The following AGBL1 variants were observed in gnomAD, a reference collection of about 807,000 sequenced individuals.
AGBL1 encodes the protein cytosolic carboxypeptidase 4.
A neutral mutation model predicts 118.9 loss-of-function variants in AGBL1; 130 were observed. That is an observed-to-expected ratio of 1.09 (90% CI 0.95 to 1.26). The LOEUF (loss-of-function observed/expected upper bound fraction) is 1.26, where lower values mean the gene tolerates loss of function less well. Among genes scored for constraint, AGBL1 ranks in the 50% most tolerant of loss-of-function variants. The pLI is 0.00. For missense variants in AGBL1, 1,584 were observed against 1,298.1 expected (o/e 1.22, Z -3.38); for synonymous variants, 555 against 478.9 (o/e 1.16, Z -2.08).
intron 22 of AGBL1, among the ~76,000 whole-genome samples, chr15:86,783,600 A>G (rs2078365468): frequency 6.6e-6 from 1 of 152,100 alleles, no homozygotes; most frequent in Admixed American, 6.6e-5. Flanking sequence ...AGAGGAACAC[A>G]CTGTGAGGTT....
chr15:86,528,163 A>C (rs1287163472), intron 19 of AGBL1, among the ~76,000 whole-genome samples: 1 of 152,232 alleles, frequency 6.6e-6, no homozygotes, highest in African/African-American at 2.4e-5. Context: ...GCGACGCAGA[A>C]GACGGGTGAT....
chr15:86,415,774 C>T (rs978030277), intron 18 of AGBL1, among the ~76,000 whole-genome samples: 4 of 152,106 alleles, frequency 2.6e-5, no homozygotes, highest in Non-Finnish European at 4.4e-5. Context: ...CAATTTCATC[C>T]AATTAGATTC....
intron 22 of AGBL1, among the ~76,000 whole-genome samples, chr15:86,821,191 G>T (rs1373788984): frequency 6.6e-6 from 1 of 152,056 alleles, no homozygotes; most frequent in Non-Finnish European, 1.5e-5. Flanking sequence ...TGGGGGGTTG[G>T]GGGAGGGGAT....
intron 1 of AGBL1, among the ~76,000 whole-genome samples, chr15:86,097,963 A>C (rs900096748): frequency 9.9e-5 from 15 of 152,146 alleles, no homozygotes; most frequent in African/African-American, 3.6e-4. Flanking sequence ...TTTTCTGTGC[A>C]TCCTCACTAG....
At chr15:87,002,772 C>T (rs2081453869) in intron 24 of AGBL1, among the ~76,000 whole-genome samples, 1 of 152,140 alleles carries the variant, frequency 6.6e-6, no homozygotes, top group Non-Finnish European at 1.5e-5. Context: ...TGATTTGGCT[C>T]TCTGTTTGTC....
chr15:86,450,038 C>T (rs1433762443), intron 18 of AGBL1, among the ~76,000 whole-genome samples: 1 of 152,194 alleles, frequency 6.6e-6, no homozygotes, highest in East Asian at 1.9e-4. Context: ...TCAGCTTACT[C>T]CAGCAGCTTA....
chr15:86,205,769 G>A (rs908713122), intron 5 of AGBL1, among the ~76,000 whole-genome samples: 2 of 152,122 alleles, frequency 1.3e-5, no homozygotes, highest in African/African-American at 4.8e-5. Flanking sequence ...GTGTCTGTTA[G>A]GGTTTTTAGC....
At chr15:86,997,677 G>A (rs776891791) in intron 24 of AGBL1, among the ~76,000 whole-genome samples, 1 of 151,930 alleles carries the variant, frequency 6.6e-6, no homozygotes, top group Non-Finnish European at 1.5e-5. Flanking sequence ...TTCCTCATGG[G>A]TTCCCAACAT....
At chr15:86,997,949 TG>T (rs1209489023) in intron 24 of AGBL1, among the ~76,000 whole-genome samples, 1 of 151,450 alleles carries the variant, frequency 6.6e-6, no homozygotes, top group East Asian at 1.9e-4. Flanking sequence ...TGCCTATTTT[TG>T]TATTTTATAT....
chr15:86,858,836 C>T (rs2079521924), intron 22 of AGBL1, among the ~76,000 whole-genome samples: 1 of 152,156 alleles, frequency 6.6e-6, no homozygotes, highest in African/African-American at 2.4e-5. Context: ...AAGACTACTG[C>T]ATGTGGACTC....
chr15:86,099,821 C>G (rs910316663), intron 1 of AGBL1, among the ~76,000 whole-genome samples: 1 of 151,886 alleles, frequency 6.6e-6, no homozygotes, highest in East Asian at 1.9e-4. Flanking sequence ...CAATTAGATG[C>G]CTTTTATTTT....
At chr15:86,356,741 T>C (rs1210544895) in intron 17 of AGBL1, among the ~76,000 whole-genome samples, 1 of 152,178 alleles carries the variant, frequency 6.6e-6, no homozygotes, top group Non-Finnish European at 1.5e-5. Context: ...GTCTTTACCA[T>C]GGGCAAACGA....
intron 21 of AGBL1, among the ~76,000 whole-genome samples, chr15:86,656,768 A>G (rs937177622): frequency 6.6e-6 from 1 of 151,790 alleles, no homozygotes; most frequent in Non-Finnish European, 1.5e-5. Context: ...TTTACCTTCC[A>G]TGGAAGAGGG....
chr15:86,102,583 C>T (rs1567055409), intron 1 of AGBL1, among the ~76,000 whole-genome samples: 1 of 152,070 alleles, frequency 6.6e-6, no homozygotes, highest in Non-Finnish European at 1.5e-5. Context: ...ATATTCCCGC[C>T]CCACCAGCAC....
chr15:86,251,955 A>G (rs1000360464), intron 7 of AGBL1, among the ~76,000 whole-genome samples: 6 of 152,172 alleles, frequency 3.9e-5, no homozygotes, highest in Non-Finnish European at 8.8e-5. Flanking sequence ...TGGAGCTACA[A>G]CAGTTTAAGG....
intron 18 of AGBL1, among the ~76,000 whole-genome samples, chr15:86,438,601 C>T (rs1416681900): frequency 9.2e-5 from 14 of 151,464 alleles, no homozygotes; most frequent in Admixed American, 9.2e-4. Flanking sequence ...ATGGGATATG[C>T]TTATCCTAAA....
intron 22 of AGBL1, among the ~76,000 whole-genome samples, chr15:86,821,034 A>G (rs909723932): frequency 2.0e-5 from 3 of 152,188 alleles, no homozygotes; most frequent in Admixed American, 6.5e-5. Context: ...TTGCAGGGAC[A>G]TGGATGAAGC....
At position 86,560,610 on chromosome 15, in the gene AGBL1, C is replaced by T. The variant is rs575364462; in HGVS notation, c.2994+6073C>T. ...TGCCACAATAAACACACATGTGCAT[C>T]TGTCTTTATAGCAGCAGGATTTATA... is the stretch of plus-strand genomic sequence containing the variant. On this transcript the variant is annotated intron_variant, in intron 21 of 22. Coordinates refer to ENST00000614907, the MANE Select transcript of AGBL1 (RefSeq NM_001386094.1). 5.6e-4 allele frequency among the ~76,000 whole-genome samples: 86 copies of T among 152,274 alleles called. No individual in the cohort carries two copies. In the East Asian group the frequency reaches 0.016, roughly 28 times the overall value.
At chr15:86,706,465 T>C (rs2086451582) in intron 22 of AGBL1, among the ~76,000 whole-genome samples, 1 of 152,126 alleles carries the variant, frequency 6.6e-6, no homozygotes, top group Admixed American at 6.6e-5. Flanking sequence ...TAGCACTTAA[T>C]TATGGTAATC....
Sources: gnomAD v4.1 joint callset for allele counts (sites outside exome capture counted in the v4.1 genomes callset) on GRCh38, gnomAD v4.1.1 for gene constraint, MANE v1.5 for transcripts, NCBI Gene and HGNC (gene_info 2026-07-23, HGNC 2026-07-21) for gene names.